NECTIN3: variants seen among roughly 807,000 people sequenced by gnomAD.
NECTIN3 encodes the protein nectin-3.
NECTIN3 carries 8 observed loss-of-function variants against 49.4 expected under a neutral mutation model. That is an observed-to-expected ratio of 0.16 (90% CI 0.10 to 0.29). The LOEUF (loss-of-function observed/expected upper bound fraction) is 0.29. Among genes scored for constraint, NECTIN3 ranks in the 10% least tolerant of loss-of-function variants. The pLI is 1.00. For missense variants in NECTIN3, 581 were observed against 654.6 expected (o/e 0.89, Z 1.23); for synonymous variants, 277 against 241.1 (o/e 1.15, Z -1.38).
chr3:111,156,475 C>A (rs1224718816), intron 7 of NECTIN3, among the ~76,000 whole-genome samples: 1 of 150,860 alleles, frequency 6.6e-6, no homozygotes, highest in Non-Finnish European at 1.5e-5. Context: ...ATTCAACATA[C>A]ATTTTGGTTT....
At chr3:111,140,549 CTTA>C, downstream of NECTIN3, among the ~76,000 whole-genome samples, 1 of 151,862 alleles carries the variant, frequency 6.6e-6, no homozygotes, top group East Asian at 1.9e-4. Flanking sequence ...TGAATAAACT[CTTA>C]TTAGTATATA....
rs770305928 is a variant in NECTIN3 at position 111,133,669 on chromosome 3, T to C, written c.1104T>C (p.Ile368=). The part of the protein sequence containing the change: ...PPTTTTLQPT[I]QWHPSTADIE... ...CTACTACCACCCTTCAGCCTACAAT[T>C]CAGTGGCATCCCTCAACTGCTGACA... Residue 368 remains isoleucine, a synonymous_variant, in exon 6 of 6, where the codon ATT becomes ATC. Coordinates refer to ENST00000485303, the MANE Select transcript of NECTIN3 (RefSeq NM_015480.3). 9 of 1,613,670 alleles carry C rather than the reference T, an allele frequency of 5.6e-6. No homozygotes were observed.
At chr3:111,104,543 C>T (rs116315470) in intron 1 of NECTIN3, among the ~76,000 whole-genome samples, 1,575 of 152,106 alleles carry the variant, frequency 0.01, 34 homozygotes, top group African/African-American at 0.035. Context: ...TGGTCTCAAA[C>T]TCCTGAGCTC....
intron 7 of NECTIN3, among the ~76,000 whole-genome samples, chr3:111,179,550 T>C (rs890344896): frequency 1.8e-4 from 27 of 152,012 alleles, no homozygotes; most frequent in Admixed American, 5.2e-4. Context: ...ACAGAAGACA[T>C]TGGGACAGAG....
At chr3:111,175,560 A>G (rs1225059084) in intron 7 of NECTIN3, among the ~76,000 whole-genome samples, 1 of 152,122 alleles carries the variant, frequency 6.6e-6, no homozygotes, top group East Asian at 1.9e-4. Context: ...TCACAAGTAG[A>G]TATTACTTAG....
intron 1 of NECTIN3, among the ~76,000 whole-genome samples, chr3:111,108,799 AACTC>A (rs2033325199): frequency 6.6e-6 from 1 of 152,082 alleles, no homozygotes; most frequent in Admixed American, 6.6e-5. Context: ...TCAGAGTGGA[AACTC>A]ACTCATTACC....
At chr3:111,084,513 T>C (rs1278397707) in intron 1 of NECTIN3, among the ~76,000 whole-genome samples, 12 of 152,154 alleles carry the variant, frequency 7.9e-5, no homozygotes, top group Non-Finnish European at 1.6e-4. Context: ...TGGGAACCAC[T>C]TGTGTTTATG....
chr3:111,147,964 C>G (rs2034915241), intron 7 of NECTIN3, among the ~76,000 whole-genome samples: 1 of 152,160 alleles, frequency 6.6e-6, no homozygotes, highest in African/African-American at 2.4e-5. Flanking sequence ...TTCAGTGCTT[C>G]TATCTTGTAT....
intron 1 of NECTIN3, among the ~76,000 whole-genome samples, chr3:111,080,405 C>T (rs2031517581): frequency 6.6e-6 from 1 of 152,048 alleles, no homozygotes; most frequent in African/African-American, 2.4e-5. Context: ...AGCCCCTTTT[C>T]CTTCAAAAGC....
At chr3:111,146,549 C>G (rs1402965067) in intron 6 of NECTIN3, among the ~76,000 whole-genome samples, 1 of 151,576 alleles carries the variant, frequency 6.6e-6, no homozygotes. Flanking sequence ...TTAATGTAAC[C>G]ATTTTATTTA....
chr3:111,126,170 A>G lies in NECTIN3; in HGVS notation c.918-14A>G, dbSNP rs757088579. On this transcript the variant is annotated splice_polypyrimidine_tract_variant and intron_variant, in intron 4 of 5. Transcript: ENST00000485303. ...GAAGATATTTAAAATAATTTTATGC[A>G]TTTTAAAATCTAGGTTGGATGGACA... is the stretch of plus-strand genomic sequence containing the variant. 6.6e-6 allele frequency: 10 copies of G among 1,523,058 alleles called. No homozygotes were observed. In the East Asian group the frequency reaches 7.3e-5, roughly 11 times the overall value. 94.3% of individuals were successfully genotyped at this position (1,523,058 alleles called of 1,614,324 possible).
Position 111,135,783 on chromosome 3 carries a change from G to A in NECTIN3, c.*1568G>A. ...ATGTTCATGGTATCTTGCAAATAGT[G>A]AAAGCTTTATTCTGAAGGATTATAA... On this transcript the variant is annotated 3_prime_UTR_variant, in exon 6 of 6. Coordinates refer to ENST00000485303, the MANE Select transcript of NECTIN3 (RefSeq NM_015480.3). 1.0e-6 allele frequency: 1 copy of A among 957,364 alleles called. No homozygotes were observed. Among genetic ancestry groups the A allele is most frequent in the Non-Finnish European group, 1.2e-6 (1 of 804,760 alleles). The allele number at this position is 957,364 out of a possible 1,614,324, so 59.3% of individuals were successfully genotyped here.
In NECTIN3 at chr3:111,193,358, C is replaced by A. The variant is rs1223229225; in HGVS notation, c.63+945C>A. On this transcript the variant is annotated intron_variant, in intron 1 of 1. Coordinates refer to the NECTIN3 transcript ENST00000485506. ...ACGACCCTAAGAGAGTCTACATCGA[C>A]CCACGAGAACATTATGTGTGATTTT... 3.9e-6 allele frequency: 6 copies of A among 1,534,440 alleles called. No individual in the cohort carries two copies. In the South Asian group the frequency reaches 6.0e-5, roughly 15 times the overall value.
chr3:111,155,533 A>G (rs189473809), intron 7 of NECTIN3, among the ~76,000 whole-genome samples: 274 of 152,344 alleles, frequency 1.8e-3, no homozygotes, highest in Non-Finnish European at 3.0e-3. Context: ...AATACAAAAA[A>G]GTCTGGACAG....
At chr3:111,074,340 G>T in intron 1 of NECTIN3, 1 of 389,216 alleles carries the variant, frequency 2.6e-6, no homozygotes, top group South Asian at 1.8e-5. Flanking sequence ...TACAAGGTTT[G>T]GCATGTAATT....
At chr3:111,081,530 G>C (rs1272000138) in intron 1 of NECTIN3, among the ~76,000 whole-genome samples, 1 of 152,106 alleles carries the variant, frequency 6.6e-6, no homozygotes, top group African/African-American at 2.4e-5. Context: ...TCACAGAATT[G>C]CTATGAAATT....
At chr3:111,093,168 T>C (rs1035323602) in intron 1 of NECTIN3, among the ~76,000 whole-genome samples, 3 of 152,206 alleles carry the variant, frequency 2.0e-5, no homozygotes, top group African/African-American at 7.2e-5. Context: ...AACTGTTTTA[T>C]TAGTTCTAAC....
At chr3:111,193,389 T>G (rs1328863624) in intron 1 of NECTIN3, 3 of 1,530,186 alleles carry the variant, frequency 2.0e-6, no homozygotes, top group Non-Finnish European at 2.6e-6. Context: ...ATTTTTCTCT[T>G]TTTCCAATGG....
At chr3:111,072,593 G>A in intron 1 of NECTIN3, 1 of 1,532,052 alleles carries the variant, frequency 6.5e-7, no homozygotes, top group Non-Finnish European at 8.7e-7. Flanking sequence ...CCTAGGGACC[G>A]GAGCCCGATG....
Sources: gnomAD v4.1 joint callset for allele counts (sites outside exome capture counted in the v4.1 genomes callset) on GRCh38, gnomAD v4.1.1 for gene constraint, MANE v1.5 for transcripts, NCBI Gene and HGNC (gene_info 2026-07-23, HGNC 2026-07-21) for gene names.